Variants in ACAD8 observed in about 807,000 individuals in gnomAD.
ACAD8 encodes the protein isobutyryl-CoA dehydrogenase, mitochondrial.
A neutral mutation model predicts 53.1 loss-of-function variants in ACAD8; 47 were observed. The observed-to-expected ratio is 0.89, with a 90% CI of 0.70 to 1.13. The LOEUF (loss-of-function observed/expected upper bound fraction) is 1.13, where lower values mean the gene tolerates loss of function less well. ACAD8 is among the 50% of genes most tolerant of loss of function. The probability of loss-of-function intolerance (pLI) is 0.00; values close to 1 mark genes in which losing one functional copy is unlikely to be tolerated. For missense variants in ACAD8, 494 were observed against 535.0 expected, an observed-to-expected ratio of 0.92 and a Z score of 0.76; for synonymous variants, 198 against 201.3, an observed-to-expected ratio of 0.98 and a Z score of 0.14.
Position 134,265,170 on chromosome 11 carries a change from G to T in ACAD8, c.*210G>T, listed in dbSNP as rs1283087129. On this transcript the variant is annotated 3_prime_UTR_variant, in exon 11 of 11. Transcript: ENST00000281182. Reference sequence around the variant, plus strand: ...GGAACCGGAAGAGCTGGACTGATGAGAAACATCAGAAGAACACATACTACC... The same window carrying T: ...GGAACCGGAAGAGCTGGACTGATGATAAACATCAGAAGAACACATACTACC... The T allele has an allele frequency of 5.0e-6, 3 of 606,012 alleles. No individual in the cohort carries two copies. The East Asian group carries it at 8.1e-5, about 16-fold the overall frequency. 37.5% of individuals were successfully genotyped at this position (606,012 alleles called of 1,614,324 possible).
chr11:134,259,585 T>C (rs777062847), intron 5 of ACAD8, 23 bp from the exon 6 acceptor site: 1 of 1,614,034 alleles, frequency 6.2e-7, no homozygotes, highest in Admixed American at 1.7e-5. Flanking sequence ...CCTGGTCCTT[T>C]TGCACCCCTT....
intron 10 of ACAD8, among the ~76,000 whole-genome samples, chr11:134,264,476 C>A (rs770106258): frequency 6.6e-6 from 1 of 152,142 alleles, no homozygotes; most frequent in Non-Finnish European, 1.5e-5. Context: ...CAAGATCACA[C>A]CACTGCACTC....
At chr11:134,257,447 G>A (rs988724856) in intron 3 of ACAD8, among the ~76,000 whole-genome samples, 190 bp downstream of exon 3, 7 of 152,192 alleles carry the variant, frequency 4.6e-5, no homozygotes, top group African/African-American at 1.7e-4. Context: ...GCCAAGGCAG[G>A]CAGATCACGA....
chr11:134,262,012 A>C, intron 9 of ACAD8, 122 bp downstream of exon 9: 1 of 1,227,164 alleles, frequency 8.1e-7, no homozygotes, highest in Non-Finnish European at 1.2e-6. Flanking sequence ...GATCACCTTA[A>C]GCTTAAGGAT....
At chr11:134,259,550 A>G (rs757552131) in intron 5 of ACAD8, 58 bp from the exon 6 acceptor site, 9 of 1,612,312 alleles carry the variant, frequency 5.6e-6, no homozygotes, top group Non-Finnish European at 6.8e-6. Context: ...TGGTGTTCCC[A>G]GACGCTGTGA....
chr11:134,257,301 G>T, intron 3 of ACAD8, 44 bp downstream of exon 3: 1 of 1,604,796 alleles, frequency 6.2e-7, no homozygotes, highest in South Asian at 1.1e-5. Context: ...GCTCACTCGG[G>T]CTGACTGTGA....
chr11:134,262,779 G>A (rs907833851), intron 10 of ACAD8, 157 bp downstream of exon 10: 3 of 1,500,012 alleles, frequency 2.0e-6, no homozygotes, highest in Non-Finnish European at 2.7e-6. Context: ...GAGCTGTTCT[G>A]GCAGGGGCCT....
At chr11:134,254,477 T>C (rs1240960276) in intron 1 of ACAD8, among the ~76,000 whole-genome samples, 1 of 152,220 alleles carries the variant, frequency 6.6e-6, no homozygotes, top group Non-Finnish European at 1.5e-5. Flanking sequence ...TTATAAACAC[T>C]TTTTTCTTCT....
chr11:134,261,268 C>T lies in ACAD8; in HGVS notation c.842-7C>T, dbSNP rs986266918. 6.2e-7 allele frequency: 1 copy of T among 1,614,068 alleles called. No homozygotes were observed. The highest frequency in any genetic ancestry group is 1.3e-5 in the African/African-American group (1 of 74,920). ...TTGGTTGGAACGTCGGCGCTCTTCC[C>T]CTCTAGCTTCCTGCTCCCTGGGGGC... On this transcript the variant is annotated splice_region_variant and splice_polypyrimidine_tract_variant and intron_variant, in intron 7 of 10. Coordinates refer to ENST00000281182, the MANE Select transcript of ACAD8 (RefSeq NM_014384.3). This position sits in a 1 kb window ranked among gnomAD's most constrained non-coding sequence, Gnocchi z 4.2.
chr11:134,260,222 G>A (rs1423420493), intron 6 of ACAD8: 3 of 1,080,624 alleles, frequency 2.8e-6, no homozygotes, highest in Non-Finnish European at 2.3e-6. Context: ...TAAGTAATTT[G>A]AAAAGTAAGA....
At position 134,261,958 on chromosome 11, in the gene ACAD8, A is replaced by G; in HGVS notation, c.1092+68A>G. On this transcript the variant is annotated intron_variant, in intron 9 of 10. Transcript: ENST00000281182. This position sits in a 1 kb window ranked among gnomAD's most constrained non-coding sequence, Gnocchi z 4.2. ...CTGCTAGGCCCAGGGGTCTTGAGAG[A>G]CATGAGTCAGATTTGGAACCCAGCC... 6.3e-7 allele frequency: 1 copy of G among 1,586,150 alleles called. No individual in the cohort carries two copies. Among genetic ancestry groups the G allele is most frequent in the Non-Finnish European group, 8.6e-7 (1 of 1,164,276 alleles).
In ACAD8 at chr11:134,261,672, G is replaced by A. The variant is rs750754123; in HGVS notation, c.940-66G>A. On this transcript the variant is annotated intron_variant, in intron 8 of 10. Transcript: ENST00000281182. The surrounding 1 kb of genome is among the most constrained non-coding windows in gnomAD (Gnocchi z 4.2). Reference sequence around the variant, plus strand: ...GGCGCCTCCGAGATGTCTTACCGAGGCTCCTGCACCAGGTGCTGGTCTAAG... The same window carrying A: ...GGCGCCTCCGAGATGTCTTACCGAGACTCCTGCACCAGGTGCTGGTCTAAG... 1 of 1,607,276 alleles carries A rather than the reference G, an allele frequency of 6.2e-7. No individual in the cohort carries two copies. Among genetic ancestry groups the A allele is most frequent in the Non-Finnish European group, 8.5e-7 (1 of 1,179,716 alleles).
At position 134,261,278 on chromosome 11, in the gene ACAD8, C is replaced by T. The variant is rs770663870; in HGVS notation, c.845C>T (p.Ser282Phe). ...CGTCGGCGCTCTTCCCCTCTAGCTT[C>T]CTGCTCCCTGGGGGCTGCCCACGCC... ...GLNGGRINIASCSLGAAHASV... is the reference protein window; with the variant it reads ...GLNGGRINIAFCSLGAAHASV... The change falls in exon 8 of 11, where the codon TCC (serine) becomes TTC (phenylalanine). Residue 282 changes from serine (S) to phenylalanine (F), a missense_variant. By Grantham distance (155) the Ser-to-Phe change is radical (BLOSUM62 -2). Coordinates refer to ENST00000281182, the MANE Select transcript of ACAD8 (RefSeq NM_014384.3). The surrounding 1 kb of genome is among the most constrained non-coding windows in gnomAD (Gnocchi z 4.2). 1.9e-5 allele frequency: 30 copies of T among 1,614,198 alleles called. No homozygotes were observed. In the South Asian group the frequency reaches 3.1e-4, roughly 17 times the overall value.
chr11:134,258,385 C>G (rs552267218), intron 3 of ACAD8, 130 bp from the exon 4 acceptor site: 37 of 707,692 alleles, frequency 5.2e-5, no homozygotes, highest in Non-Finnish European at 7.1e-5. Context: ...CCAATTGTGA[C>G]TCTCCCCTTC....
At chr11:134,260,075 G>A (rs1939793289) in intron 6 of ACAD8, 5 of 1,208,090 alleles carry the variant, frequency 4.1e-6, no homozygotes, top group Non-Finnish European at 4.2e-6. Context: ...GACGCTTAGA[G>A]AAGACCTGGT....
At chr11:134,263,906 T>G in intron 10 of ACAD8, 1 of 985,474 alleles carries the variant, frequency 1.0e-6, no homozygotes, top group South Asian at 4.7e-5. Context: ...CGAGGGGGTT[T>G]ATATTTCTTT....
At chr11:134,262,320 G>T in intron 9 of ACAD8, 200 bp from the exon 10 acceptor site, 1 of 670,924 alleles carries the variant, frequency 1.5e-6, no homozygotes, top group Non-Finnish European at 2.7e-6. Flanking sequence ...GCCTGTCTGG[G>T]GGGAACTGAC....
rs370562623 is a variant in ACAD8 at position 134,261,900 on chromosome 11, T to G, written c.1092+10T>G. 1.2e-5 allele frequency: 19 copies of G among 1,613,434 alleles called. No homozygotes were observed. Among genetic ancestry groups the G allele is most frequent in the Non-Finnish European group, 1.6e-5 (19 of 1,180,014 alleles). On this transcript the variant is annotated intron_variant, in intron 9 of 10. Transcript: ENST00000281182. The surrounding 1 kb of genome is among the most constrained non-coding windows in gnomAD (Gnocchi z 4.2). ...AGATGAATGCTTTGCCGTAAGTGATTCCTCTGGCTCTCCTGGGATGGACAG... is the reference window on the plus strand; with the variant it reads ...AGATGAATGCTTTGCCGTAAGTGATGCCTCTGGCTCTCCTGGGATGGACAG...
chr11:134,254,177 C>T (rs1437603240), intron 1 of ACAD8, among the ~76,000 whole-genome samples: 1 of 152,134 alleles, frequency 6.6e-6, no homozygotes, highest in African/African-American at 2.4e-5. Flanking sequence ...AACAGTAGGT[C>T]ATAAAAGCAG....
Sources: allele counts gnomAD v4.1 joint callset (sites outside exome capture counted in the v4.1 genomes callset), GRCh38; gene constraint gnomAD v4.1.1; non-coding constraint Gnocchi (gnomAD v3.1); transcripts MANE v1.5; gene names NCBI Gene and HGNC (gene_info 2026-07-23, HGNC 2026-07-21).